The following GABRA2 variants were observed in gnomAD, a reference collection of about 807,000 sequenced individuals.
GABRA2 encodes the protein gamma-aminobutyric acid receptor subunit alpha-2.
In GABRA2, 16 loss-of-function variants were observed where a neutral mutation model predicts 48.7. The ratio of observed to expected loss-of-function variants is 0.33; its 90% CI spans 0.22 to 0.50. The LOEUF is 0.50. Among genes scored for constraint, GABRA2 ranks in the 20% least tolerant of loss-of-function variants. GABRA2 has a pLI of 0.98. For missense variants in GABRA2, 275 were observed against 535.6 expected (o/e 0.51, Z 4.80); for synonymous variants, 185 against 184.5 (o/e 1.00, Z -0.02).
intron 8 of GABRA2, among the ~76,000 whole-genome samples, chr4:46,282,139 C>T (rs892344683): frequency 2.0e-5 from 3 of 152,090 alleles, no homozygotes; most frequent in African/African-American, 7.2e-5. Flanking sequence ...ATACAAATAG[C>T]AGAGTGAGGG....
At chr4:46,267,140 CATT>C (rs1356601721) in intron 8 of GABRA2, among the ~76,000 whole-genome samples, 2 of 152,132 alleles carry the variant, frequency 1.3e-5, no homozygotes, top group African/African-American at 4.8e-5. Flanking sequence ...TAATTTTCCT[CATT>C]GTTTTTTCTT....
At chr4:46,251,017 A>C (rs887442725) in intron 9 of GABRA2, among the ~76,000 whole-genome samples, 4 of 151,736 alleles carry the variant, frequency 2.6e-5, no homozygotes, top group African/African-American at 9.6e-5. Context: ...TTTCTAGCTT[A>C]GTAACAGGAT....
At chr4:46,326,094 T>C (rs1295911901) in intron 4 of GABRA2, among the ~76,000 whole-genome samples, 1 of 151,970 alleles carries the variant, frequency 6.6e-6, no homozygotes, top group Non-Finnish European at 1.5e-5. Flanking sequence ...ATATTTGAAT[T>C]TATTTTCCAA....
At chr4:46,330,579 T>TAGAGAG (rs1268003888) in intron 4 of GABRA2, among the ~76,000 whole-genome samples, 6 of 113,766 alleles carry the variant, frequency 5.3e-5, no homozygotes, top group African/African-American at 1.6e-4. Flanking sequence ...TATATATATA[T>TAGAGAG]ATATATATAT....
chr4:46,389,101 G>A, intron 1 of GABRA2: 2 of 1,007,616 alleles, frequency 2.0e-6, no homozygotes, highest in Non-Finnish European at 2.4e-6. Flanking sequence ...GGGTTGGAGG[G>A]GAGGGGAGGA....
chr4:46,329,903 AT>A (rs1199163132), intron 4 of GABRA2, among the ~76,000 whole-genome samples: 1 of 152,028 alleles, frequency 6.6e-6, no homozygotes, highest in African/African-American at 2.4e-5. Context: ...TCTCATAGAA[AT>A]TTTTTTAGGC....
chr4:46,378,287 G>A (rs995091834), intron 3 of GABRA2, among the ~76,000 whole-genome samples: 3 of 152,156 alleles, frequency 2.0e-5, no homozygotes, highest in Non-Finnish European at 4.4e-5. Context: ...GGTAGACGTG[G>A]GAGACTTTTC....
At chr4:46,306,337 G>C (rs1246367286) in intron 6 of GABRA2, among the ~76,000 whole-genome samples, 2 of 152,150 alleles carry the variant, frequency 1.3e-5, no homozygotes, top group Non-Finnish European at 2.9e-5. Flanking sequence ...TAGCATCCCA[G>C]TTAAACTATG....
At chr4:46,257,767 AAGG>A (rs1225779086) in intron 9 of GABRA2, among the ~76,000 whole-genome samples, 1 of 151,678 alleles carries the variant, frequency 6.6e-6, no homozygotes, top group Non-Finnish European at 1.5e-5. Flanking sequence ...TAAAAATAGA[AAGG>A]AGTAAAAAAA....
chr4:46,366,963 T>A (rs150869300), intron 3 of GABRA2: 1 of 152,092 alleles, frequency 6.6e-6, no homozygotes, highest in East Asian at 1.9e-4. Context: ...GAAGGCAGTG[T>A]TGTATGCATT....
At chr4:46,378,741 C>A (rs190514442) in intron 3 of GABRA2, among the ~76,000 whole-genome samples, 1 of 151,786 alleles carries the variant, frequency 6.6e-6, no homozygotes, top group Admixed American at 6.6e-5. Context: ...GTGGGAGGAT[C>A]ACTTGAACCC....
At chr4:46,312,430 G>T (rs973571578) in intron 5 of GABRA2, 66 bp downstream of exon 5, 23 of 1,036,390 alleles carry the variant, frequency 2.2e-5, no homozygotes, top group African/African-American at 9.7e-5. Context: ...AGCTAGATTG[G>T]CTGGTTGTTT....
Position 46,244,375 on chromosome 4 carries a change from T to G in GABRA2, c.*5933A>C, listed in dbSNP as rs1713316851. ...AAACTTTGTTGGAAATATTCATGTA[T>G]AGCCAATAATACAGTTTATATAGCC... On this transcript the variant is annotated 3_prime_UTR_variant, in exon 10 of 10. Transcript: ENST00000381620. Among the ~76,000 whole-genome samples the G allele has an allele frequency of 6.6e-6, 1 of 151,702 alleles. No individual in the cohort carries two copies. Among genetic ancestry groups the G allele is most frequent in the East Asian group, 1.9e-4 (1 of 5,136 alleles).
intron 4 of GABRA2, among the ~76,000 whole-genome samples, 193 bp from the exon 5 acceptor site, chr4:46,312,909 G>T (rs1273305608): frequency 6.6e-6 from 1 of 151,996 alleles, no homozygotes; most frequent in East Asian, 1.9e-4. Context: ...AAGTACGTCT[G>T]TGTATACTAT....
At chr4:46,297,557 T>C (rs1488050896) in intron 8 of GABRA2, among the ~76,000 whole-genome samples, 2 of 139,124 alleles carry the variant, frequency 1.4e-5, no homozygotes, top group East Asian at 2.1e-4. Flanking sequence ...CTAATACGAT[T>C]ATCTAATTTG....
In GABRA2 at chr4:46,272,582, T is replaced by C. The variant is rs181067841; in HGVS notation, c.857-10454A>G. On this transcript the variant is annotated intron_variant, in intron 8 of 9. Coordinates refer to ENST00000381620, the MANE Select transcript of GABRA2 (RefSeq NM_000807.4). ...CCTCACAACTGGACAAGGTTTAAGA[T>C]GACTTATAATAGAGCAGCCCACCTT... is the stretch of plus-strand genomic sequence containing the variant. 2.2e-3 allele frequency among the ~76,000 whole-genome samples: 340 copies of C among 152,076 alleles called. 5 individuals carry two copies. The highest frequency in any genetic ancestry group is 7.4e-3 in the African/African-American group (307 of 41,522).
At chr4:46,280,158 T>C (rs1249441517) in intron 8 of GABRA2, among the ~76,000 whole-genome samples, 13 of 152,062 alleles carry the variant, frequency 8.5e-5, no homozygotes, top group Admixed American at 5.9e-4. Flanking sequence ...GAAGATGATC[T>C]ATGCAATGGA....
intron 3 of GABRA2, among the ~76,000 whole-genome samples, chr4:46,355,935 T>C (rs1735891379): frequency 6.6e-6 from 1 of 152,186 alleles, no homozygotes; most frequent in South Asian, 2.1e-4. Context: ...CTTGTTTATA[T>C]TTCTCAATCA....
chr4:46,252,604 G>A (rs1042957092), intron 9 of GABRA2, among the ~76,000 whole-genome samples: 1 of 151,462 alleles, frequency 6.6e-6, no homozygotes, highest in Non-Finnish European at 1.5e-5. Context: ...TAAACACCAT[G>A]CCATATGATT....
Sources: allele counts gnomAD v4.1 joint callset (sites outside exome capture counted in the v4.1 genomes callset), GRCh38; gene constraint gnomAD v4.1.1; transcripts MANE v1.5; gene names NCBI Gene and HGNC (gene_info 2026-07-23, HGNC 2026-07-21).